Variants in NELL1 observed in about 807,000 individuals in gnomAD.
The protein encoded by NELL1 is neural EGFL like 1, also known as protein kinase C-binding protein NELL1.
In NELL1, 76 loss-of-function variants were observed where a neutral mutation model predicts 107.4. That is an observed-to-expected ratio of 0.71 (90% CI 0.59 to 0.86). The LOEUF (loss-of-function observed/expected upper bound fraction) is 0.86. NELL1 is among the 40% of genes least tolerant of loss of function. The probability of loss-of-function intolerance (pLI) is 0.00; values close to 1 mark genes in which losing one functional copy is unlikely to be tolerated. For missense variants in NELL1, 1,024 were observed against 1,005.5 expected (o/e 1.02, Z -0.25); for synonymous variants, 353 against 341.2 (o/e 1.03, Z -0.38).
chr11:21,222,115 TTTTG>T (rs1449130711), intron 13 of NELL1, among the ~76,000 whole-genome samples: 1 of 152,182 alleles, frequency 6.6e-6, no homozygotes, highest in Non-Finnish European at 1.5e-5. Context: ...GGTTTGTTGA[TTTTG>T]TTTATCTTTT....
intron 12 of NELL1, among the ~76,000 whole-genome samples, chr11:21,032,389 T>C (rs1440344949): frequency 1.3e-5 from 2 of 152,134 alleles, no homozygotes; most frequent in Non-Finnish European, 2.9e-5. Context: ...TTTGTTGTTG[T>C]TTTTGTTGTT....
chr11:20,787,046 TAC>T (rs1284861588), intron 3 of NELL1, among the ~76,000 whole-genome samples: 1 of 132,570 alleles, frequency 7.5e-6, no homozygotes, highest in Non-Finnish European at 1.6e-5. Flanking sequence ...GGAAGGAAAG[TAC>T]ACTTGCAAGA....
At chr11:21,506,941 G>A (rs1235679892) in intron 15 of NELL1, among the ~76,000 whole-genome samples, 5 of 152,210 alleles carry the variant, frequency 3.3e-5, no homozygotes, top group Admixed American at 1.3e-4. Flanking sequence ...TAAAGGACAG[G>A]ACTTATTACA....
intron 4 of NELL1, among the ~76,000 whole-genome samples, chr11:20,862,039 T>A (rs965649872): frequency 6.6e-6 from 1 of 152,144 alleles, no homozygotes; most frequent in Non-Finnish European, 1.5e-5. Context: ...CTGGGATGAG[T>A]CAGTAGCTCA....
chr11:21,433,355 T>C (rs547053126), intron 15 of NELL1, among the ~76,000 whole-genome samples: 1 of 152,342 alleles, frequency 6.6e-6, no homozygotes, highest in East Asian at 1.9e-4. Context: ...TGTTGGTATC[T>C]CTTTGTTATA....
At chr11:20,882,458 T>C (rs1227386096) in intron 4 of NELL1, among the ~76,000 whole-genome samples, 2 of 152,228 alleles carry the variant, frequency 1.3e-5, no homozygotes, top group Non-Finnish European at 2.9e-5. Context: ...AGAAAACTTA[T>C]AGGAGTGATA....
chr11:21,202,021 C>T (rs1335693159), intron 13 of NELL1, among the ~76,000 whole-genome samples: 1 of 152,124 alleles, frequency 6.6e-6, no homozygotes, highest in South Asian at 2.1e-4. Flanking sequence ...CTGCCGGATT[C>T]GGTTTGCCAG....
chr11:21,191,565 A>G (rs1293530216), intron 13 of NELL1, among the ~76,000 whole-genome samples: 1 of 151,962 alleles, frequency 6.6e-6, no homozygotes, highest in African/African-American at 2.4e-5. Flanking sequence ...AATTTGTTAC[A>G]GCAGCAATAG....
chr11:21,556,694 T>C (rs540933745), intron 16 of NELL1, among the ~76,000 whole-genome samples: 8 of 152,066 alleles, frequency 5.3e-5, no homozygotes, highest in African/African-American at 1.4e-4. Flanking sequence ...CTTTCAGAAA[T>C]TGTGAAAATG....
chr11:20,875,304 C>G (rs1849283739), intron 4 of NELL1, among the ~76,000 whole-genome samples: 1 of 151,944 alleles, frequency 6.6e-6, no homozygotes. Flanking sequence ...CTGATTTGGC[C>G]CTAATTCCTG....
intron 13 of NELL1, among the ~76,000 whole-genome samples, chr11:21,201,987 G>A (rs184579251): frequency 2.0e-5 from 3 of 152,106 alleles, no homozygotes; most frequent in South Asian, 2.1e-4. Flanking sequence ...CGACTTGATC[G>A]TCGTGGATAA....
chr11:21,111,463 C>A (rs193237543), intron 12 of NELL1, among the ~76,000 whole-genome samples: 2 of 152,104 alleles, frequency 1.3e-5, no homozygotes, highest in African/African-American at 4.8e-5. Flanking sequence ...CTTTTGTAGT[C>A]ATTCTCTGCA....
chr11:20,838,345 A>G (rs112674503), intron 3 of NELL1, among the ~76,000 whole-genome samples: 3 of 149,142 alleles, frequency 2.0e-5, no homozygotes, highest in Non-Finnish European at 4.5e-5. Flanking sequence ...GTAGCATCCT[A>G]GATAAGAGTG....
rs1161906475 is a variant in NELL1, at chr11:20,689,754, G to A, written c.184+11694G>A. 6.5e-3 allele frequency among the ~76,000 whole-genome samples: 984 copies of A among 150,800 alleles called. 5 individuals carry two copies. The highest frequency in any genetic ancestry group is 0.023 in the African/African-American group (922 of 40,632). On this transcript the variant is annotated intron_variant, in intron 2 of 19. Coordinates refer to ENST00000357134, the MANE Select transcript of NELL1 (RefSeq NM_006157.5). ...AGTGCCGCAATAAACATACGTGTGC[G>A]TGTGTCTTTATAGCAGCATGATTTA... is the stretch of plus-strand genomic sequence containing the variant.
intron 12 of NELL1, among the ~76,000 whole-genome samples, chr11:20,961,612 T>C (rs894437984): frequency 2.6e-5 from 4 of 152,160 alleles, no homozygotes; most frequent in African/African-American, 9.7e-5. Context: ...CTATTCTCTA[T>C]CTCATAGTTG....
chr11:21,451,113 G>T (rs1167205911), intron 15 of NELL1, among the ~76,000 whole-genome samples: 1 of 147,830 alleles, frequency 6.8e-6, no homozygotes, highest in Non-Finnish European at 1.5e-5. Context: ...CGTGAACCCG[G>T]CAGGCTGAGC....
chr11:21,135,442 C>T (rs575096320), intron 13 of NELL1, among the ~76,000 whole-genome samples: 149 of 152,140 alleles, frequency 9.8e-4, no homozygotes, highest in African/African-American at 3.3e-3. Context: ...GTTTATATGA[C>T]CAGATTTACC....
At chr11:21,447,240 C>T (rs150408532) in intron 15 of NELL1, among the ~76,000 whole-genome samples, 1 of 152,138 alleles carries the variant, frequency 6.6e-6, no homozygotes, top group Non-Finnish European at 1.5e-5. Flanking sequence ...AATTGGGGAA[C>T]CCTAGAGCCC....
chr11:20,980,546 A>G (rs1359658376), intron 12 of NELL1, among the ~76,000 whole-genome samples: 1 of 152,186 alleles, frequency 6.6e-6, no homozygotes, highest in Non-Finnish European at 1.5e-5. Context: ...GTGTATCTCA[A>G]ACTTTTGGGA....
Sources: allele counts gnomAD v4.1 joint callset (sites outside exome capture counted in the v4.1 genomes callset), GRCh38; gene constraint gnomAD v4.1.1; transcripts MANE v1.5; gene names NCBI Gene and HGNC (gene_info 2026-07-23, HGNC 2026-07-21).